The following SH3PXD2B variants were observed in gnomAD, a reference collection of about 807,000 sequenced individuals.
SH3PXD2B encodes the protein SH3 and PX domains 2B.
A neutral mutation model predicts 73.1 loss-of-function variants in SH3PXD2B; 37 were observed. That is an observed-to-expected ratio of 0.51 (90% CI 0.39 to 0.67). SH3PXD2B has a LOEUF of 0.67. Among genes scored for constraint, SH3PXD2B ranks in the 30% least tolerant of loss-of-function variants. The pLI is 0.00. For missense variants in SH3PXD2B, 1,053 were observed against 1,197.8 expected (o/e 0.88, Z 1.78); for synonymous variants, 457 against 480.5 (o/e 0.95, Z 0.64).
intron 12 of SH3PXD2B, among the ~76,000 whole-genome samples, chr5:172,343,578 A>G (rs1044829194): frequency 9.2e-5 from 14 of 152,160 alleles, no homozygotes; most frequent in Admixed American, 9.2e-4. Flanking sequence ...AGGCGGGCGG[A>G]TCACCTGAGG....
chr5:172,372,284 G>A (rs543782946), intron 6 of SH3PXD2B, among the ~76,000 whole-genome samples: 42 of 152,222 alleles, frequency 2.8e-4, no homozygotes, highest in Non-Finnish European at 4.7e-4. Flanking sequence ...GTGCTGTCTC[G>A]AGATGGAGTT....
intron 2 of SH3PXD2B, among the ~76,000 whole-genome samples, chr5:172,420,126 C>T (rs973712028): frequency 2.0e-5 from 3 of 152,244 alleles, no homozygotes; most frequent in African/African-American, 4.8e-5. Context: ...TTAGATCTTT[C>T]TTCCCCTGCC....
At chr5:172,439,700 A>G (rs1354604934) in intron 1 of SH3PXD2B, among the ~76,000 whole-genome samples, 132 of 123,400 alleles carry the variant, frequency 1.1e-3, no homozygotes, top group African/African-American at 2.0e-3. Context: ...GCGCACACAC[A>G]CACACACACA....
intron 1 of SH3PXD2B, among the ~76,000 whole-genome samples, chr5:172,446,387 G>C (rs531479400): frequency 2.0e-5 from 3 of 152,286 alleles, no homozygotes; most frequent in African/African-American, 4.8e-5. Context: ...AGACTAACAG[G>C]CTGCTCGGGG....
At chr5:172,327,752 G>GTTT (rs3053146) in intron 12 of SH3PXD2B, among the ~76,000 whole-genome samples, 20 of 142,444 alleles carry the variant, frequency 1.4e-4, no homozygotes, top group African/African-American at 4.1e-4. Context: ...CTGCAACTGG[G>GTTT]TTTTTTTTTT....
intron 1 of SH3PXD2B, among the ~76,000 whole-genome samples, chr5:172,434,788 T>G (rs72846977): frequency 1.6e-4 from 8 of 50,952 alleles, no homozygotes; most frequent in South Asian, 6.5e-4. Context: ...AATGGTTTTT[T>G]TTTTTTTTTT....
intron 8 of SH3PXD2B, among the ~76,000 whole-genome samples, chr5:172,355,070 G>A (rs976457661): frequency 6.6e-6 from 1 of 152,250 alleles, no homozygotes; most frequent in African/African-American, 2.4e-5. Context: ...GCCCAGCAAG[G>A]AGAGGAGAGG....
At chr5:172,364,287 T>C (rs936279558) in intron 6 of SH3PXD2B, among the ~76,000 whole-genome samples, 9 of 152,152 alleles carry the variant, frequency 5.9e-5, no homozygotes, top group Admixed American at 3.3e-4. Context: ...CCTGGTATTC[T>C]AAAAGTCCTG....
chr5:172,396,596 T>C (rs1758304671), intron 3 of SH3PXD2B, among the ~76,000 whole-genome samples: 1 of 149,736 alleles, frequency 6.7e-6, no homozygotes. Flanking sequence ...ACAAGGTAAA[T>C]TTAAAAAAAG....
chr5:172,430,628 T>A (rs1472460920), intron 1 of SH3PXD2B, among the ~76,000 whole-genome samples: 1 of 152,238 alleles, frequency 6.6e-6, no homozygotes, highest in Admixed American at 6.5e-5. Context: ...GGTTGAGAAC[T>A]GTCCTAGGTC....
chr5:172,335,246 A>G lies in SH3PXD2B; in HGVS notation c.*3123T>C. On this transcript the variant is annotated 3_prime_UTR_variant, in exon 13 of 13. Coordinates refer to ENST00000311601, the MANE Select transcript of SH3PXD2B (RefSeq NM_001017995.3). ...TAATAAGCAGGGGTGAGGGGAAGAA[A>G]AAAAAATCTCTGCCCACCTTTTGGG... The G allele has an allele frequency of 3.7e-6, 4 of 1,068,822 alleles. No individual in the cohort carries two copies. Among genetic ancestry groups the G allele is most frequent in the Non-Finnish European group, 4.5e-6 (4 of 885,008 alleles). 66.2% of individuals were successfully genotyped at this position (1,068,822 alleles called of 1,614,324 possible). A position where few individuals can be genotyped will look rare whatever the true frequency, so the allele number is the denominator to read the frequency against.
downstream of SH3PXD2B, among the ~76,000 whole-genome samples, chr5:172,330,283 G>C (rs1276772760): frequency 6.6e-6 from 1 of 152,156 alleles, no homozygotes; most frequent in African/African-American, 2.4e-5. Flanking sequence ...ATAGCAAGTA[G>C]GAAAGCTTGA....
intron 12 of SH3PXD2B, among the ~76,000 whole-genome samples, chr5:172,341,781 G>T (rs1756857609): frequency 6.6e-6 from 1 of 151,914 alleles, no homozygotes; most frequent in South Asian, 2.1e-4. Flanking sequence ...CTCCCAAGTA[G>T]CTGGGACTAC....
chr5:172,454,196 A>G, intron 1 of SH3PXD2B, 82 bp downstream of exon 1: 1 of 1,234,304 alleles, frequency 8.1e-7, no homozygotes, highest in Non-Finnish European at 1.1e-6. Context: ...CGCTGGAGGC[A>G]GAAGTTTTCC....
chr5:172,326,676 C>T (rs1756452313), intron 12 of SH3PXD2B, among the ~76,000 whole-genome samples: 1 of 152,154 alleles, frequency 6.6e-6, no homozygotes, highest in Non-Finnish European at 1.5e-5. Flanking sequence ...ACCCATCCAG[C>T]CGCATGTTTC....
chr5:172,431,811 TTTTG>T lies in SH3PXD2B; in HGVS notation c.76-9319_76-9316del, dbSNP rs1280945612. 3.9e-5 allele frequency among the ~76,000 whole-genome samples: 6 copies of T among 152,278 alleles called. No homozygotes were observed. In the East Asian group the frequency reaches 1.2e-3, roughly 29 times the overall value. ...AGGGTTAGGGTCTTTCGAGCCTATGTTTTGTTTTTGTCAAGTGATCAATACATAA... is the reference window on the plus strand; with the variant it reads ...AGGGTTAGGGTCTTTCGAGCCTATGTTTTTTGTCAAGTGATCAATACATAA... On this transcript the variant is annotated intron_variant, in intron 1 of 12. Transcript: ENST00000311601.
chr5:172,438,016 A>C (rs1026984816), intron 1 of SH3PXD2B, among the ~76,000 whole-genome samples: 2 of 152,164 alleles, frequency 1.3e-5, no homozygotes, highest in Non-Finnish European at 2.9e-5. Flanking sequence ...GCTCTGCTCG[A>C]AGGGCCTCAA....
rs1757022785 is a variant in SH3PXD2B at position 172,347,455 on chromosome 5, C to T, written c.1013-123G>A. On this transcript the variant is annotated intron_variant, in intron 10 of 12. Coordinates refer to ENST00000311601, the MANE Select transcript of SH3PXD2B (RefSeq NM_001017995.3). ...ACAGGCGTCTGCATGCTGCTGCAAC[C>T]CTCCCTGTGAGAACAGCCTGGGCAG... 2.6e-5 allele frequency: 26 copies of T among 983,972 alleles called. No homozygotes were observed. In the South Asian group the frequency reaches 3.6e-4, roughly 13 times the overall value. 61.0% of individuals were successfully genotyped at this position (983,972 alleles called of 1,614,324 possible). A position where few individuals can be genotyped will look rare whatever the true frequency, so the allele number is the denominator to read the frequency against.
chr5:172,325,555 G>C (rs538018466), intron 12 of SH3PXD2B, among the ~76,000 whole-genome samples: 19 of 152,338 alleles, frequency 1.2e-4, no homozygotes, highest in African/African-American at 4.6e-4. Flanking sequence ...CATGATCAAG[G>C]CCTTGGCATG....
Sources: allele counts gnomAD v4.1 joint callset (sites outside exome capture counted in the v4.1 genomes callset), GRCh38; gene constraint gnomAD v4.1.1; transcripts MANE v1.5; gene names NCBI Gene and HGNC (gene_info 2026-07-23, HGNC 2026-07-21).